The following GRIK2 variants were observed in gnomAD, a reference collection of about 807,000 sequenced individuals.
GRIK2 encodes the protein glutamate ionotropic receptor kainate type subunit 2.
A neutral mutation model predicts 100.3 loss-of-function variants in GRIK2; 32 were observed. That is an observed-to-expected ratio of 0.32 (90% CI 0.24 to 0.43). The LOEUF (loss-of-function observed/expected upper bound fraction) is 0.43, where lower values mean the gene tolerates loss of function less well. Ranked by LOEUF, GRIK2 falls within the 20% of genes least tolerant of loss-of-function variation. The pLI is 1.00. For missense variants in GRIK2, 843 were observed against 1,114.9 expected, an observed-to-expected ratio of 0.76 and a Z score of 3.47; for synonymous variants, 417 against 389.4, an observed-to-expected ratio of 1.07 and a Z score of -0.83.
chr6:101,418,671 A>C (rs1019218682), intron 2 of GRIK2, among the ~76,000 whole-genome samples: 2 of 152,124 alleles, frequency 1.3e-5, no homozygotes, highest in African/African-American at 2.4e-5. Context: ...AGAGGAGACC[A>C]CTTTGCTTTT....
intron 2 of GRIK2, among the ~76,000 whole-genome samples, chr6:101,620,437 C>T (rs1245400142): frequency 2.0e-5 from 3 of 152,110 alleles, no homozygotes; most frequent in Non-Finnish European, 4.4e-5. Flanking sequence ...AATATGGTAT[C>T]AAATAATATT....
chr6:101,964,403 C>T (rs539098908), intron 14 of GRIK2, among the ~76,000 whole-genome samples: 1 of 152,100 alleles, frequency 6.6e-6, no homozygotes, highest in South Asian at 2.1e-4. Flanking sequence ...TTTTAAGAGC[C>T]TCTAGCTATT....
chr6:101,541,743 G>C (rs2128288912), intron 2 of GRIK2, among the ~76,000 whole-genome samples: 1 of 147,670 alleles, frequency 6.8e-6, no homozygotes, highest in African/African-American at 2.4e-5. Flanking sequence ...AATTTAGCAA[G>C]CTGCTGACTC....
chr6:101,540,292 T>C (rs527985913), intron 2 of GRIK2, among the ~76,000 whole-genome samples: 167 of 152,048 alleles, frequency 1.1e-3, no homozygotes, highest in African/African-American at 3.8e-3. Context: ...AACATAATTT[T>C]CATTGAAAAG....
intron 4 of GRIK2, among the ~76,000 whole-genome samples, chr6:101,661,595 C>T (rs1769617372): frequency 1.3e-5 from 2 of 151,944 alleles, no homozygotes; most frequent in South Asian, 4.2e-4. Flanking sequence ...AACCCAGGGC[C>T]CTGGTGGTGT....
intron 2 of GRIK2, among the ~76,000 whole-genome samples, chr6:101,560,559 T>A (rs72959123): frequency 0.096 from 14,578 of 152,082 alleles, 790 homozygotes; most frequent in Middle Eastern, 0.15. Flanking sequence ...TTGTAGATAA[T>A]TAGAAACTGG....
Position 102,001,185 on chromosome 6 carries a change from A to AT in GRIK2, c.2086-34141dup, listed in dbSNP as rs66913053. On this transcript the variant is annotated intron_variant, in intron 14 of 16. Coordinates refer to ENST00000369134, the MANE Select transcript of GRIK2 (RefSeq NM_021956.5). ...ACTGTTCCAGGCATTCTTCTTCTTTATTTTTTTTTTTTTTTCATTTTACTT... is the reference window on the plus strand; with the variant it reads ...ACTGTTCCAGGCATTCTTCTTCTTTATTTTTTTTTTTTTTTTCATTTTACTT... 1.5e-3 allele frequency among the ~76,000 whole-genome samples: 215 copies of AT among 142,676 alleles called. 2 individuals are homozygous for AT. Among genetic ancestry groups the AT allele is most frequent in the East Asian group, 3.7e-3 (18 of 4,812 alleles). 93.6% of individuals were successfully genotyped at this position (142,676 alleles called of 152,430 possible).
At chr6:101,617,825 T>C (rs998158627) in intron 2 of GRIK2, among the ~76,000 whole-genome samples, 6 of 151,744 alleles carry the variant, frequency 4.0e-5, no homozygotes, top group African/African-American at 1.4e-4. Flanking sequence ...AGAGAAGTCT[T>C]TTCTGTCTCT....
chr6:101,699,050 C>T (rs572135298), intron 7 of GRIK2, among the ~76,000 whole-genome samples: 1 of 152,100 alleles, frequency 6.6e-6, no homozygotes, highest in South Asian at 2.1e-4. Flanking sequence ...TTGATGGAAC[C>T]ACAGGTTTCA....
intron 7 of GRIK2, among the ~76,000 whole-genome samples, chr6:101,732,899 G>C (rs1238138532): frequency 6.6e-6 from 1 of 152,012 alleles, no homozygotes; most frequent in East Asian, 1.9e-4. Context: ...CCATACTGGA[G>C]AGAAAGAGAG....
chr6:101,950,647 C>A (rs1375088073), intron 14 of GRIK2, among the ~76,000 whole-genome samples: 1 of 152,308 alleles, frequency 6.6e-6, no homozygotes, highest in Non-Finnish European at 1.5e-5. Flanking sequence ...CTGCCCACTA[C>A]TTGCTTAGTT....
intron 2 of GRIK2, among the ~76,000 whole-genome samples, chr6:101,496,198 C>T (rs971724012): frequency 1.2e-4 from 18 of 152,102 alleles, no homozygotes; most frequent in African/African-American, 3.9e-4. Flanking sequence ...CCGCTTGTCT[C>T]AGCCTCCCAA....
At chr6:101,642,652 G>T (rs1781331917) in intron 4 of GRIK2, among the ~76,000 whole-genome samples, 1 of 151,548 alleles carries the variant, frequency 6.6e-6, no homozygotes, top group Non-Finnish European at 1.5e-5. Flanking sequence ...AAATACTTGG[G>T]TTGCTTCCAC....
intron 2 of GRIK2, among the ~76,000 whole-genome samples, chr6:101,568,871 G>T (rs993751610): frequency 3.3e-5 from 5 of 151,980 alleles, no homozygotes; most frequent in South Asian, 2.1e-4. Flanking sequence ...AGTGCAGCAT[G>T]CAACTACATT....
intron 7 of GRIK2, among the ~76,000 whole-genome samples, chr6:101,759,416 C>G (rs1669595357): frequency 6.6e-6 from 1 of 152,062 alleles, no homozygotes; most frequent in Non-Finnish European, 1.5e-5. Context: ...ATTTGCATAA[C>G]AAAACAGCAG....
chr6:101,437,937 A>C (rs1359014635), intron 2 of GRIK2, among the ~76,000 whole-genome samples: 1 of 152,102 alleles, frequency 6.6e-6, no homozygotes, highest in Non-Finnish European at 1.5e-5. Context: ...ATACAAAAGG[A>C]AATAAAGGAT....
chr6:101,397,484 C>T (rs1185464097), intron 1 of GRIK2, among the ~76,000 whole-genome samples: 1 of 152,188 alleles, frequency 6.6e-6, no homozygotes, highest in Non-Finnish European at 1.5e-5. Flanking sequence ...GCCTGCTATA[C>T]TGCAGAACTA....
At chr6:102,067,271 A>C (rs1772064753) in intron 16 of GRIK2, among the ~76,000 whole-genome samples, 1 of 151,524 alleles carries the variant, frequency 6.6e-6, no homozygotes, top group Non-Finnish European at 1.5e-5. Flanking sequence ...ACACTTATTC[A>C]CTCTTTTAGC....
At chr6:101,800,053 T>C (rs1211471889) in intron 8 of GRIK2, among the ~76,000 whole-genome samples, 1 of 152,132 alleles carries the variant, frequency 6.6e-6, no homozygotes, top group Non-Finnish European at 1.5e-5. Context: ...TGTAGAGATA[T>C]AGATTAATAA....
Sources: allele counts gnomAD v4.1 joint callset (sites outside exome capture counted in the v4.1 genomes callset), GRCh38; gene constraint gnomAD v4.1.1; transcripts MANE v1.5; gene names NCBI Gene and HGNC (gene_info 2026-07-23, HGNC 2026-07-21).